Variants in SLC35D4 observed in about 807,000 individuals in gnomAD.
SLC35D4 encodes the protein UDP-N-acetylglucosamine transporter SLC35D4.
the SLC35D4 span, among the ~76,000 whole-genome samples, chr18:23,368,351 G>C: frequency 6.6e-6 from 1 of 152,208 alleles, no homozygotes; most frequent in Non-Finnish European, 1.5e-5. Flanking sequence ...CTGGGAATGA[G>C]TTGGGAAGAT....
chr18:23,342,174 A>C, the SLC35D4 span, among the ~76,000 whole-genome samples: 1 of 152,182 alleles, frequency 6.6e-6, no homozygotes, highest in African/African-American at 2.4e-5. Flanking sequence ...CATCACCACA[A>C]TCCAGTTTGA....
chr18:23,405,097 A>C, the SLC35D4 span, among the ~76,000 whole-genome samples: 5 of 152,084 alleles, frequency 3.3e-5, no homozygotes, highest in Non-Finnish European at 5.9e-5. Context: ...ATGAACCAGA[A>C]AAGTGGGCCC....
At chr18:23,361,414 T>C in the SLC35D4 span, among the ~76,000 whole-genome samples, 1 of 152,168 alleles carries the variant, frequency 6.6e-6, no homozygotes, top group Non-Finnish European at 1.5e-5. Flanking sequence ...AGAAAGCTAA[T>C]GAATGAATCG....
the SLC35D4 span, among the ~76,000 whole-genome samples, chr18:23,357,705 G>A: frequency 1.3e-5 from 2 of 152,216 alleles, no homozygotes; most frequent in Non-Finnish European, 2.9e-5. Context: ...GGGCTCCTAT[G>A]CTTTCTTGGA....
chr18:23,349,962 C>T, the SLC35D4 span, among the ~76,000 whole-genome samples: 1 of 152,222 alleles, frequency 6.6e-6, no homozygotes, highest in African/African-American at 2.4e-5. Context: ...GCTCTGTAGA[C>T]TCTTTAGGCT....
chr18:23,413,330 G>T, the SLC35D4 span, among the ~76,000 whole-genome samples: 3 of 152,176 alleles, frequency 2.0e-5, no homozygotes, highest in African/African-American at 7.2e-5. Context: ...GTCATCTTCA[G>T]TAAGGTTCTG....
chr18:23,429,345 C>T, the SLC35D4 span, among the ~76,000 whole-genome samples: 579 of 152,176 alleles, frequency 3.8e-3, 2 homozygotes, highest in African/African-American at 0.013. Flanking sequence ...TCCAAAACTT[C>T]GCCAACATGT....
the SLC35D4 span, chr18:23,368,742 T>C: frequency 6.9e-7 from 1 of 1,453,272 alleles, no homozygotes; most frequent in South Asian, 1.2e-5. Flanking sequence ...GTATTGCTGG[T>C]CAATGTCACT....
the SLC35D4 span, among the ~76,000 whole-genome samples, chr18:23,354,389 C>T: frequency 1.8e-4 from 26 of 145,764 alleles, no homozygotes; most frequent in Non-Finnish European, 3.4e-4. Context: ...GATGTGGTGG[C>T]GGGCACCTGT....
chr18:23,382,244 A>AG, the SLC35D4 span, among the ~76,000 whole-genome samples: 4 of 151,224 alleles, frequency 2.6e-5, no homozygotes, highest in African/African-American at 9.7e-5. Flanking sequence ...AGTCTCAAAA[A>AG]AAAAAAAAAA....
the SLC35D4 span, among the ~76,000 whole-genome samples, chr18:23,420,132 C>T: frequency 6.6e-6 from 1 of 151,862 alleles, no homozygotes; most frequent in Non-Finnish European, 1.5e-5. Flanking sequence ...GGAGAAACCC[C>T]GTCTCTACTA....
At chr18:23,352,370 C>A in the SLC35D4 span, 1 of 1,079,380 alleles carries the variant, frequency 9.3e-7, no homozygotes, top group Non-Finnish European at 1.3e-6. Flanking sequence ...TACATTTTAC[C>A]AATCAATTTC....
the SLC35D4 span, among the ~76,000 whole-genome samples, chr18:23,255,469 A>G: frequency 6.6e-6 from 1 of 152,164 alleles, no homozygotes. Context: ...TAGCTTATAC[A>G]GTAAATACAT....
chr18:23,321,416 T>C, the SLC35D4 span, among the ~76,000 whole-genome samples: 295 of 152,114 alleles, frequency 1.9e-3, 8 homozygotes, highest in East Asian at 0.054. Context: ...AGCCAACCAC[T>C]ATTTCCCTAG....
At chr18:23,336,536 T>A in the SLC35D4 span, among the ~76,000 whole-genome samples, 1 of 152,230 alleles carries the variant, frequency 6.6e-6, no homozygotes, top group Non-Finnish European at 1.5e-5. Context: ...AATATAAAAG[T>A]TACATTACAG....
chr18:23,245,503 CAAA>C, the SLC35D4 span, among the ~76,000 whole-genome samples: 91 of 94,532 alleles, frequency 9.6e-4, no homozygotes, highest in African/African-American at 2.7e-3. Context: ...CATCCTGTCT[CAAA>C]AAAAAAAAAA....
chr18:23,429,439 C>A, the SLC35D4 span, among the ~76,000 whole-genome samples: 27,997 of 151,884 alleles, frequency 0.18, 4,120 homozygotes, highest in African/African-American at 0.36. Context: ...TCACTCCAAC[C>A]TCCAGCTCAC....
chr18:23,274,580 G>A, the SLC35D4 span, among the ~76,000 whole-genome samples: 1 of 152,200 alleles, frequency 6.6e-6, no homozygotes, highest in Non-Finnish European at 1.5e-5. Context: ...AGCCTGATCA[G>A]TGGGTCCATC....
At chr18:23,269,026 C>T in the SLC35D4 span, among the ~76,000 whole-genome samples, 6 of 152,156 alleles carry the variant, frequency 3.9e-5, no homozygotes, top group African/African-American at 1.4e-4. Context: ...CGTTCCGTGG[C>T]CCAATGAGCT....
Sources: gnomAD v4.1 joint callset for allele counts (sites outside exome capture counted in the v4.1 genomes callset) on GRCh38, gnomAD v4.1.1 for gene constraint, MANE v1.5 for transcripts, NCBI Gene and HGNC (gene_info 2026-07-23, HGNC 2026-07-21) for gene names.